Variants in NOP58 observed in about 807,000 individuals in gnomAD.
NOP58 encodes nucleolar protein 58.
Under a neutral mutation model 71.2 loss-of-function variants are expected in NOP58, and 44 were observed. That is an observed-to-expected ratio of 0.62 (90% CI 0.49 to 0.79). The LOEUF is 0.79. NOP58 is among the 30% of genes least tolerant of loss of function. NOP58 has a pLI of 0.00. For missense variants in NOP58, 538 were observed against 620.2 expected (o/e 0.87, Z 1.41); for synonymous variants, 228 against 200.3 (o/e 1.14, Z -1.17).
Position 202,271,495 on chromosome 2 carries a change from A to T in NOP58, c.46-3618A>T, listed in dbSNP as rs533663660. Among the ~76,000 whole-genome samples, 65 of 151,728 alleles carry T rather than the reference A, an allele frequency of 4.3e-4. No homozygotes were observed. The East Asian group carries it at 6.4e-3, about 15-fold the overall frequency. On this transcript the variant is annotated intron_variant, in intron 1 of 14. Coordinates refer to ENST00000264279, the MANE Select transcript of NOP58 (RefSeq NM_015934.5). ...GGCAGGAGAGTTGCTTTAACCAGGG[A>T]GGTGGAGGTTGTAGTGAGCTGAGAT...
Position 202,303,532 on chromosome 2 carries a change from G to T in NOP58, c.*96G>T. 6.9e-7 allele frequency: 1 copy of T among 1,447,476 alleles called. No homozygotes were observed. The highest frequency in any genetic ancestry group is 9.2e-7 in the Non-Finnish European group (1 of 1,092,730). The allele number at this position is 1,447,476 out of a possible 1,614,324, so 89.7% of individuals were successfully genotyped here. A position where few individuals can be genotyped will look rare whatever the true frequency, so the allele number is the denominator to read the frequency against. ...ATGCTCTCTAACGTAATCAAGGGAA[G>T]GTTCAGTAAGACAAAGTGATTTATC... is the stretch of plus-strand genomic sequence containing the variant. On this transcript the variant is annotated 3_prime_UTR_variant, in exon 15 of 15. Coordinates refer to ENST00000264279, the MANE Select transcript of NOP58 (RefSeq NM_015934.5).
intron 9 of NOP58, among the ~76,000 whole-genome samples, chr2:202,293,794 C>CA: frequency 6.6e-6 from 1 of 151,282 alleles, no homozygotes; most frequent in Non-Finnish European, 1.5e-5. Flanking sequence ...AGGCTGGTCT[C>CA]AAACTCCTGA....
chr2:202,280,943 G>A (rs560375465), intron 3 of NOP58, among the ~76,000 whole-genome samples: 7 of 151,492 alleles, frequency 4.6e-5, no homozygotes, highest in African/African-American at 1.5e-4. Context: ...TAGGATGGTC[G>A]CATCTCCTGA....
At chr2:202,294,542 A>G (rs1388285650) in intron 9 of NOP58, among the ~76,000 whole-genome samples, 3 of 152,200 alleles carry the variant, frequency 2.0e-5, no homozygotes, top group Non-Finnish European at 2.9e-5. Context: ...TGTTTGAAAC[A>G]GAGGATAGTA....
At chr2:202,277,844 G>C (rs1688630933) in intron 2 of NOP58, 106 bp from the exon 3 acceptor site, 2 of 682,424 alleles carry the variant, frequency 2.9e-6, no homozygotes, top group East Asian at 5.0e-5. Flanking sequence ...ATGTTTTATT[G>C]GTGTGTGCTT....
At position 202,290,406 on chromosome 2, in the gene NOP58, G is replaced by C; in HGVS notation, c.583G>C (p.Gly195Arg). Residue 195 changes from glycine to arginine, a missense_variant, in exon 7 of 15, where the codon GGA becomes CGA. Coordinates refer to ENST00000264279, the MANE Select transcript of NOP58 (RefSeq NM_015934.5). ...GTATGGCTGGCATTTCCCTGAATTA[G>C]GAAAAATTATTTCAGATAATTTAAC... Reference protein sequence around the residue: ...EWYGWHFPELGKIISDNLTYC... With the variant: ...EWYGWHFPELRKIISDNLTYC... The C allele has an allele frequency of 6.2e-7, 1 of 1,610,512 alleles. No individual in the cohort carries two copies. Among genetic ancestry groups the C allele is most frequent in the Non-Finnish European group, 8.5e-7 (1 of 1,177,542 alleles).
At chr2:202,274,901 C>T (rs1212026213) in intron 1 of NOP58, among the ~76,000 whole-genome samples, 2 of 152,186 alleles carry the variant, frequency 1.3e-5, no homozygotes, top group African/African-American at 4.8e-5. Context: ...GCTGACTGGA[C>T]TAGATCTGAA....
chr2:202,295,854 T>C lies in NOP58; in HGVS notation c.1071+17T>C, dbSNP rs766612619. Reference sequence around the variant, plus strand: ...AAAGGAAAGGTGTGTTATAGGGTTTTGCTTTGTTTTTGAGGTTAGACTTTT... The same window carrying C: ...AAAGGAAAGGTGTGTTATAGGGTTTCGCTTTGTTTTTGAGGTTAGACTTTT... On this transcript the variant is annotated intron_variant, in intron 10 of 14. Coordinates refer to ENST00000264279, the MANE Select transcript of NOP58 (RefSeq NM_015934.5). 16 of 1,517,070 alleles carry C rather than the reference T, an allele frequency of 1.1e-5. No homozygotes were observed. The highest frequency in any genetic ancestry group is 3.5e-6 in the Non-Finnish European group (4 of 1,132,234). 94.0% of individuals were successfully genotyped at this position (1,517,070 alleles called of 1,614,324 possible).
intron 1 of NOP58, among the ~76,000 whole-genome samples, chr2:202,274,810 G>A (rs775786129): frequency 9.2e-5 from 14 of 152,058 alleles, no homozygotes; most frequent in Non-Finnish European, 1.5e-4. Flanking sequence ...GGACCCCATA[G>A]CTCCAGCTAC....
chr2:202,276,541 A>T, intron 2 of NOP58: 1 of 499,146 alleles, frequency 2.0e-6, no homozygotes, highest in Non-Finnish European at 4.0e-6. Flanking sequence ...TTCTTTCTGG[A>T]TAAAATACTA....
At position 202,300,342 on chromosome 2, in the gene NOP58, C is replaced by T; in HGVS notation, c.1377C>T (p.Ala459=). 2 of 1,585,230 alleles carry T rather than the reference C, an allele frequency of 1.3e-6. No homozygotes were observed. The highest frequency in any genetic ancestry group is 1.7e-6 in the Non-Finnish European group (2 of 1,171,894). The change falls in exon 13 of 15, where the codon GCC becomes GCT. Residue 459 remains alanine, a synonymous_variant. Coordinates refer to ENST00000264279, the MANE Select transcript of NOP58 (RefSeq NM_015934.5). ...AGGATGAAATTACTGAAAAGAAAGCCAAAAAAGCCAAGATTAAAGTTAAAG... is the reference window on the plus strand; with the variant it reads ...AGGATGAAATTACTGAAAAGAAAGCTAAAAAAGCCAAGATTAAAGTTAAAG... The part of the protein sequence containing the change: ...DKEDEITEKK[A]KKAKIKVKVE...
At chr2:202,276,911 G>A (rs1688602226) in intron 2 of NOP58, among the ~76,000 whole-genome samples, 1 of 151,956 alleles carries the variant, frequency 6.6e-6, no homozygotes, top group Non-Finnish European at 1.5e-5. Flanking sequence ...GGTCGAGGTG[G>A]GTGGATCACA....
chr2:202,289,464 A>G (rs1485834179), intron 6 of NOP58, among the ~76,000 whole-genome samples: 1 of 152,156 alleles, frequency 6.6e-6, no homozygotes, highest in East Asian at 1.9e-4. Context: ...ATTACCTTCA[A>G]GGTTTTGTAT....
chr2:202,274,052 A>T (rs1359475712), intron 1 of NOP58, among the ~76,000 whole-genome samples: 1 of 152,018 alleles, frequency 6.6e-6, no homozygotes, highest in Admixed American at 6.6e-5. Context: ...TGATAAGTAT[A>T]TTGTTGATTA....
chr2:202,293,206 TAACA>T, intron 9 of NOP58: 1 of 530,852 alleles, frequency 1.9e-6, no homozygotes, highest in South Asian at 1.5e-5. Context: ...ATAAAACAGT[TAACA>T]TTTTCATAAT....
intron 1 of NOP58, among the ~76,000 whole-genome samples, chr2:202,267,640 TATCG>T (rs1259113524): frequency 1.3e-5 from 2 of 152,210 alleles, no homozygotes; most frequent in Admixed American, 6.5e-5. Flanking sequence ...TGTAAGTGTC[TATCG>T]ATGAATTTCA....
intron 8 of NOP58, 101 bp downstream of exon 8, chr2:202,291,371 T>C: frequency 1.2e-6 from 1 of 840,330 alleles, no homozygotes; most frequent in South Asian, 2.1e-5. Flanking sequence ...GTTGTTCACC[T>C]GATAACATAA....
In NOP58 at chr2:202,300,486, A is replaced by G. The variant is rs930878184; in HGVS notation, c.1402+119A>G. On this transcript the variant is annotated intron_variant, in intron 13 of 14. Coordinates refer to ENST00000264279, the MANE Select transcript of NOP58 (RefSeq NM_015934.5). ...TTATAAAACTGCTCATTGAACGCTA[A>G]TGGTGTTTTAATAATGCCATTATGT... 15 of 754,328 alleles carry G rather than the reference A, an allele frequency of 2.0e-5. No individual in the cohort carries two copies. In the African/African-American group the frequency reaches 2.5e-4, roughly 13 times the overall value. The allele number at this position is 754,328 out of a possible 1,614,324, so 46.7% of individuals were successfully genotyped here. A position where few individuals can be genotyped will look rare whatever the true frequency, so the allele number is the denominator to read the frequency against.
intron 1 of NOP58, among the ~76,000 whole-genome samples, chr2:202,267,759 GGT>G (rs1043013292): frequency 6.6e-6 from 1 of 152,100 alleles, no homozygotes; most frequent in African/African-American, 2.4e-5. Context: ...GCTTATCAAT[GGT>G]CGGATTTCTA....
Sources: allele counts gnomAD v4.1 joint callset (sites outside exome capture counted in the v4.1 genomes callset), GRCh38; gene constraint gnomAD v4.1.1; transcripts MANE v1.5; gene names NCBI Gene and HGNC (gene_info 2026-07-23, HGNC 2026-07-21).